The following RPAP3 variants were observed in gnomAD, a reference collection of about 807,000 sequenced individuals.
The protein encoded by RPAP3 is RNA polymerase II associated protein 3, also known as RNA polymerase II-associated protein 3.
In RPAP3, 58 loss-of-function variants were observed where a neutral mutation model predicts 88.8. The observed-to-expected ratio is 0.65, with a 90% CI of 0.53 to 0.81. RPAP3 has a LOEUF of 0.81. RPAP3 is among the 40% of genes least tolerant of loss of function. The pLI, the probability that RPAP3 is intolerant of heterozygous loss-of-function variation, is 0.00. For synonymous variants in RPAP3, 255 were observed against 259.9 expected (o/e 0.98, Z 0.18); for missense variants, 751 against 764.3 (o/e 0.98, Z 0.20).
intron 12 of RPAP3, among the ~76,000 whole-genome samples, chr12:47,677,869 A>G (rs1377725707): frequency 6.6e-6 from 1 of 152,182 alleles, no homozygotes; most frequent in Non-Finnish European, 1.5e-5. Flanking sequence ...GCTACCAATA[A>G]CTTTCTTCAC....
At chr12:47,698,199 A>G (rs1592487004) in intron 3 of RPAP3, among the ~76,000 whole-genome samples, 1 of 152,354 alleles carries the variant, frequency 6.6e-6, no homozygotes, top group Non-Finnish European at 1.5e-5. Context: ...CCTATGAGGA[A>G]GGTATAATTA....
chr12:47,697,187 C>T (rs1013015171), intron 4 of RPAP3, among the ~76,000 whole-genome samples: 1 of 152,044 alleles, frequency 6.6e-6, no homozygotes, highest in African/African-American at 2.4e-5. Context: ...CCTTTGATAC[C>T]CGGGAGTGGA....
chr12:47,674,312 A>G (rs1164634861), intron 12 of RPAP3, among the ~76,000 whole-genome samples: 2 of 152,146 alleles, frequency 1.3e-5, no homozygotes, highest in Non-Finnish European at 2.9e-5. Context: ...AAAAAAGATG[A>G]AAATTCTAAA....
At chr12:47,665,435 A>C (rs1405474154) in intron 16 of RPAP3, among the ~76,000 whole-genome samples, 1 of 151,368 alleles carries the variant, frequency 6.6e-6, no homozygotes, top group Non-Finnish European at 1.5e-5. Flanking sequence ...GGTATATTAA[A>C]AGCTATATAA....
chr12:47,698,376 T>C (rs959497295), intron 3 of RPAP3, among the ~76,000 whole-genome samples: 25 of 152,070 alleles, frequency 1.6e-4, no homozygotes, highest in African/African-American at 6.0e-4. Flanking sequence ...AAAGGAAAAA[T>C]AAAAAATGTG....
intron 9 of RPAP3, 72 bp downstream of exon 9, chr12:47,686,708 C>T: frequency 3.3e-6 from 4 of 1,218,696 alleles, no homozygotes; most frequent in South Asian, 4.6e-5. Flanking sequence ...TGTTAGGTAA[C>T]TTATGGTAAA....
intron 3 of RPAP3, among the ~76,000 whole-genome samples, chr12:47,698,758 C>G (rs185348117): frequency 6.6e-6 from 1 of 152,104 alleles, no homozygotes; most frequent in Non-Finnish European, 1.5e-5. Flanking sequence ...GCAATCTGCC[C>G]GCCTCAGCCT....
At chr12:47,675,847 G>T (rs1411383811) in intron 12 of RPAP3, among the ~76,000 whole-genome samples, 1 of 152,102 alleles carries the variant, frequency 6.6e-6, no homozygotes, top group African/African-American at 2.4e-5. Context: ...GAGACAGAAG[G>T]TTAACAAGGA....
chr12:47,696,207 CT>C (rs1157821928), intron 5 of RPAP3, 68 bp downstream of exon 5: 35 of 1,300,932 alleles, frequency 2.7e-5, no homozygotes, highest in South Asian at 9.2e-5. Context: ...TTATTCCACA[CT>C]TTTTTTTAAT....
chr12:47,696,266 A>G lies in RPAP3; in HGVS notation c.545+10T>C. 6.6e-7 allele frequency: 1 copy of G among 1,522,274 alleles called. No individual in the cohort carries two copies. Among genetic ancestry groups the G allele is most frequent in the Non-Finnish European group, 8.8e-7 (1 of 1,134,048 alleles). 94.3% of individuals were successfully genotyped at this position (1,522,274 alleles called of 1,614,324 possible). The stretch of plus-strand genomic sequence containing the variant: ...CATTCACATTCACACACGTCACAGA[A>G]AGTCCTTACTTTTTCAGTCTAAAAT... On this transcript the variant is annotated intron_variant, in intron 5 of 16. Coordinates refer to ENST00000005386, the MANE Select transcript of RPAP3 (RefSeq NM_024604.3).
chr12:47,705,408 T>C (rs1939768985), intron 1 of RPAP3, among the ~76,000 whole-genome samples: 1 of 152,182 alleles, frequency 6.6e-6, no homozygotes, highest in African/African-American at 2.4e-5. Context: ...AACGCTTTGT[T>C]GGGAACTCAA....
At chr12:47,669,931 C>A (rs1054429347) in intron 13 of RPAP3, among the ~76,000 whole-genome samples, 176 bp downstream of exon 13, 16 of 152,198 alleles carry the variant, frequency 1.1e-4, no homozygotes, top group African/African-American at 1.4e-4. Flanking sequence ...AGTAATCATT[C>A]TTTAAGCAAA....
intron 12 of RPAP3, among the ~76,000 whole-genome samples, chr12:47,678,990 GAACCAACCCA>G (rs1200935700): frequency 6.6e-6 from 1 of 152,122 alleles, no homozygotes; most frequent in Non-Finnish European, 1.5e-5. Context: ...CAAAGACTTG[GAACCAACCCA>G]AATATCCACC....
intron 3 of RPAP3, among the ~76,000 whole-genome samples, chr12:47,698,845 T>C (rs1939589157): frequency 6.6e-6 from 1 of 152,176 alleles, no homozygotes; most frequent in Non-Finnish European, 1.5e-5. Flanking sequence ...AAATACAAAC[T>C]TTAATTATTA....
At chr12:47,694,324 T>C (rs1939482186) in intron 5 of RPAP3, among the ~76,000 whole-genome samples, 1 of 152,196 alleles carries the variant, frequency 6.6e-6, no homozygotes, top group Non-Finnish European at 1.5e-5. Context: ...CGGGGGAAAG[T>C]AGGGCTATTC....
At chr12:47,705,784 A>G (rs1939782039) in intron 1 of RPAP3, among the ~76,000 whole-genome samples, 168 bp downstream of exon 1, 1 of 152,166 alleles carries the variant, frequency 6.6e-6, no homozygotes, top group Non-Finnish European at 1.5e-5. Flanking sequence ...GCGCGACCCG[A>G]GACGCCGCTG....
At chr12:47,677,362 T>C (rs1345315838) in intron 12 of RPAP3, among the ~76,000 whole-genome samples, 1 of 152,134 alleles carries the variant, frequency 6.6e-6, no homozygotes, top group Admixed American at 6.6e-5. Flanking sequence ...TCACCACTCC[T>C]ATTCAACACA....
At chr12:47,704,997 G>A (rs1406793449) in intron 1 of RPAP3, among the ~76,000 whole-genome samples, 1 of 151,848 alleles carries the variant, frequency 6.6e-6, no homozygotes, top group Non-Finnish European at 1.5e-5. Flanking sequence ...AAAAAAGGAG[G>A]GGGGGGAATG....
At position 47,685,700 on chromosome 12, in the gene RPAP3, T is replaced by C. The variant is rs565777612; in HGVS notation, c.992+1080A>G. On this transcript the variant is annotated intron_variant, in intron 9 of 16. Transcript: ENST00000005386. ...CAGTACGTGGAAGATGTGTCGAGGA[T>C]CATCCCAAAATTTGGTGTCCTTACT... Among the ~76,000 whole-genome samples, 6 of 152,332 alleles carry C rather than the reference T, an allele frequency of 3.9e-5. No homozygotes were observed. The South Asian group carries it at 1.2e-3, about 32-fold the overall frequency.
Sources: gnomAD v4.1 joint callset for allele counts (sites outside exome capture counted in the v4.1 genomes callset) on GRCh38, gnomAD v4.1.1 for gene constraint, MANE v1.5 for transcripts, NCBI Gene and HGNC (gene_info 2026-07-23, HGNC 2026-07-21) for gene names.